The following AFF3 variants were observed in gnomAD, a reference collection of about 807,000 sequenced individuals.
The protein encoded by AFF3 is AF4/FMR2 family member 3.
A neutral mutation model predicts 129.7 loss-of-function variants in AFF3; 32 were observed. That is an observed-to-expected ratio of 0.25 (90% CI 0.19 to 0.33). The LOEUF is 0.33. AFF3 is among the 10% of genes least tolerant of loss of function. AFF3 has a pLI of 1.00. For synonymous variants in AFF3, 644 were observed against 635.4 expected, an observed-to-expected ratio of 1.01 and a Z score of -0.20; for missense variants, 1,373 against 1,592.0, an observed-to-expected ratio of 0.86 and a Z score of 2.34.
Position 99,880,538 on chromosome 2 carries a change from C to T in AFF3, c.874-43014G>A, listed in dbSNP as rs138672652. On this transcript the variant is annotated intron_variant, in intron 7 of 24. Transcript: ENST00000672756. Reference sequence around the variant, plus strand: ...CCATGGGATGGGCAGCGTGGGCTGGCGCTATGGGCTATGCCATAGCGTGGA... The same window carrying T: ...CCATGGGATGGGCAGCGTGGGCTGGTGCTATGGGCTATGCCATAGCGTGGA... 4.8e-3 allele frequency among the ~76,000 whole-genome samples: 737 copies of T among 152,222 alleles called. 5 individuals are homozygous for T. The highest frequency in any genetic ancestry group is 0.016 in the African/African-American group (662 of 41,520).
intron 13 of AFF3, among the ~76,000 whole-genome samples, chr2:99,635,084 T>C (rs1683505827): frequency 6.6e-6 from 1 of 151,386 alleles, no homozygotes; most frequent in African/African-American, 2.4e-5. Context: ...ATATGATATA[T>C]ACACATATCT....
At chr2:99,569,220 C>T (rs1413897505) in intron 18 of AFF3, among the ~76,000 whole-genome samples, 3 of 151,978 alleles carry the variant, frequency 2.0e-5, no homozygotes, top group South Asian at 2.1e-4. Context: ...AAAAAAAAAG[C>T]GAGAAATCTT....
chr2:99,972,193 C>G (rs1280715492), intron 7 of AFF3, among the ~76,000 whole-genome samples: 1 of 152,184 alleles, frequency 6.6e-6, no homozygotes, highest in Admixed American at 6.5e-5. Context: ...TAGTCTACTA[C>G]AGAAATCAAA....
intron 4 of AFF3, 108 bp from the exon 5 acceptor site, chr2:100,009,040 T>C (rs1424360070): frequency 1.4e-6 from 2 of 1,423,118 alleles, no homozygotes; most frequent in Non-Finnish European, 1.9e-6. Context: ...CAAATGGTGA[T>C]GACAACAAGA....
intron 12 of AFF3, among the ~76,000 whole-genome samples, chr2:99,652,357 T>C (rs368407531): frequency 3.3e-5 from 5 of 152,212 alleles, no homozygotes; most frequent in African/African-American, 1.2e-4. Flanking sequence ...GGATCAATAA[T>C]GGCAGTAGTG....
intron 13 of AFF3, among the ~76,000 whole-genome samples, chr2:99,626,229 C>A (rs933107092): frequency 6.6e-6 from 1 of 152,206 alleles, no homozygotes; most frequent in African/African-American, 2.4e-5. Context: ...ACCTAGAGTC[C>A]ATTTCCCAAG....
At chr2:99,962,404 C>T (rs900178980) in intron 7 of AFF3, among the ~76,000 whole-genome samples, 1 of 152,046 alleles carries the variant, frequency 6.6e-6, no homozygotes, top group African/African-American at 2.4e-5. Context: ...AAAATCACAA[C>T]CTGAATGGGA....
chr2:99,900,610 G>A (rs1694277902), intron 7 of AFF3, among the ~76,000 whole-genome samples: 2 of 152,210 alleles, frequency 1.3e-5, no homozygotes, highest in Non-Finnish European at 2.9e-5. Flanking sequence ...TAAAAGGGCT[G>A]TACCTCCTGC....
At chr2:99,736,941 A>AT in intron 10 of AFF3, among the ~76,000 whole-genome samples, 1 of 151,950 alleles carries the variant, frequency 6.6e-6, no homozygotes, top group Admixed American at 6.6e-5. Context: ...ATGCTACCAT[A>AT]TTTTTCCATA....
At chr2:99,665,526 C>G (rs1162882245) in intron 12 of AFF3, among the ~76,000 whole-genome samples, 1 of 152,152 alleles carries the variant, frequency 6.6e-6, no homozygotes, top group African/African-American at 2.4e-5. Context: ...GTTTGTGTGT[C>G]TGGGTAGTGA....
At chr2:99,856,449 T>C (rs1690538454) in intron 7 of AFF3, among the ~76,000 whole-genome samples, 1 of 152,176 alleles carries the variant, frequency 6.6e-6, no homozygotes, top group Non-Finnish European at 1.5e-5. Flanking sequence ...GAATTGTCCA[T>C]TTAAAATTGG....
At chr2:99,655,561 G>A (rs1216516771) in intron 12 of AFF3, among the ~76,000 whole-genome samples, 1 of 152,136 alleles carries the variant, frequency 6.6e-6, no homozygotes. Flanking sequence ...GCAAGTGGTA[G>A]GGACAGCAGC....
chr2:100,107,602 G>T, intron 2 of AFF3: 2 of 773,908 alleles, frequency 2.6e-6, no homozygotes, highest in Non-Finnish European at 1.6e-6. Context: ...ACCCCTGGGA[G>T]CTGAATCAAA....
Position 99,601,485 on chromosome 2 carries a change from T to A in AFF3, c.1321A>T (p.Ser441Cys), listed in dbSNP as rs1679826509. 6.2e-7 allele frequency: 1 copy of A among 1,609,958 alleles called. No individual in the cohort carries two copies. The change falls in exon 14 of 25, where the codon AGC (serine) becomes TGC (cysteine). Residue 441 changes from serine to cysteine, a missense_variant. Transcript: ENST00000672756. Reference protein sequence around the residue: ...SSGSDSETESSSSESEGSKPP... With the variant: ...SSGSDSETESCSSESEGSKPP... Reference sequence around the variant, plus strand: ...TTGCTGCCCTCACTCTCGCTGGAGCTGCTCTCGGTCTCCGAGTCAGATCCG... The same window carrying A: ...TTGCTGCCCTCACTCTCGCTGGAGCAGCTCTCGGTCTCCGAGTCAGATCCG...
chr2:99,676,423 C>T (rs559616290), intron 11 of AFF3, among the ~76,000 whole-genome samples: 1 of 152,316 alleles, frequency 6.6e-6, no homozygotes, highest in East Asian at 1.9e-4. Flanking sequence ...CAGCGTCACA[C>T]TGCCCAGGAA....
chr2:99,863,075 C>T (rs1691118212), intron 7 of AFF3, among the ~76,000 whole-genome samples: 1 of 152,242 alleles, frequency 6.6e-6, no homozygotes, highest in African/African-American at 2.4e-5. Flanking sequence ...ATTCATCCTT[C>T]TAGACAGCTG....
At chr2:99,715,674 C>CTT (rs35307881) in intron 11 of AFF3, among the ~76,000 whole-genome samples, 3 of 136,126 alleles carry the variant, frequency 2.2e-5, no homozygotes, top group Non-Finnish European at 1.6e-5. Context: ...CATTTCAAAT[C>CTT]TTTTTTTTTT....
chr2:99,790,036 GAA>G (rs1685087633), intron 8 of AFF3, among the ~76,000 whole-genome samples: 1 of 152,186 alleles, frequency 6.6e-6, no homozygotes, highest in Non-Finnish European at 1.5e-5. Context: ...TTGCTCATCA[GAA>G]AATACATACT....
intron 13 of AFF3, among the ~76,000 whole-genome samples, chr2:99,607,192 C>T (rs982358589): frequency 2.0e-5 from 3 of 152,070 alleles, no homozygotes; most frequent in African/African-American, 7.2e-5. Context: ...ATGACACCTT[C>T]CTTTTGGAAT....
Sources: allele counts gnomAD v4.1 joint callset (sites outside exome capture counted in the v4.1 genomes callset), GRCh38; gene constraint gnomAD v4.1.1; transcripts MANE v1.5; gene names NCBI Gene and HGNC (gene_info 2026-07-23, HGNC 2026-07-21).